Variants in SHROOM2 observed in about 807,000 individuals in gnomAD.
The protein encoded by SHROOM2 is shroom family member 2, also known as protein Shroom2.
A neutral mutation model predicts 75.9 loss-of-function variants in SHROOM2; 33 were observed. That is an observed-to-expected ratio of 0.43 (90% confidence interval 0.33 to 0.58). SHROOM2 has a LOEUF of 0.58. Among genes scored for constraint, SHROOM2 ranks in the 20% least tolerant of loss-of-function variants. SHROOM2 has a pLI of 0.04. For synonymous variants in SHROOM2, 655 were observed against 663.6 expected (o/e 0.99, Z 0.20); for missense variants, 1,434 against 1,461.2 (o/e 0.98, Z 0.30).
At chrX:9,871,822 T>G (rs1296432495) in intron 1 of SHROOM2, among the ~76,000 whole-genome samples, 1 of 111,273 alleles carries the variant, frequency 9.0e-6, no homozygotes, top group Admixed American at 9.6e-5. Context: ...CCAAAACACT[T>G]AGCTTTTCAA....
At chrX:9,818,015 C>A (rs1285108006) in intron 1 of SHROOM2, among the ~76,000 whole-genome samples, 1 of 112,199 alleles carries the variant, frequency 8.9e-6, no homozygotes, top group East Asian at 2.8e-4. Context: ...CAAAAAGAAA[C>A]ATGCTATAAA....
intron 1 of SHROOM2, chrX:9,818,233 C>T: frequency 5.1e-6 from 1 of 198,014 alleles, no homozygotes; most frequent in African/African-American, 3.0e-5. Flanking sequence ...TGTATCCATC[C>T]CATTAAATGG....
At position 9,895,555 on chromosome X, in the gene SHROOM2, C is replaced by T. The variant is rs781745808; in HGVS notation, c.1647C>T (p.Ala549=). 2.1e-5 allele frequency: 25 copies of T among 1,177,533 alleles called. No individual in the cohort carries two copies. Among genetic ancestry groups the T allele is most frequent in the Non-Finnish European group, 2.6e-5 (23 of 880,110 alleles). The change falls in exon 4 of 10, where the codon GCC becomes GCT. Residue 549 remains alanine, a synonymous_variant. Transcript: ENST00000380913. ...DKGAEGCSAG[A]QEPPRASRAE... ...GGGCCGAGGGCTGCTCCGCGGGAGC[C>T]CAGGAGCCTCCCAGGGCCAGCCGTG...
At chrX:9,945,283 A>AT (rs1412450109) in intron 9 of SHROOM2, among the ~76,000 whole-genome samples, 2 of 109,031 alleles carry the variant, frequency 1.8e-5, no homozygotes, top group South Asian at 4.0e-4. Context: ...TAATTTTTGT[A>AT]TTTTTTTGGT....
intron 1 of SHROOM2, among the ~76,000 whole-genome samples, chrX:9,835,776 C>T (rs2083941196): frequency 9.2e-6 from 1 of 108,685 alleles, no homozygotes. Context: ...CTCTGTTGCC[C>T]AGGCTGGATG....
chrX:9,936,009 T>C (rs753429016), intron 6 of SHROOM2, among the ~76,000 whole-genome samples: 162 of 111,695 alleles, frequency 1.5e-3, no homozygotes, highest in Non-Finnish European at 2.1e-3. Flanking sequence ...GACAAGGGAC[T>C]GTGGCATTGC....
At chrX:9,939,469 C>G in intron 8 of SHROOM2, 103 bp downstream of exon 8, 1 of 739,433 alleles carries the variant, frequency 1.4e-6, no homozygotes, top group East Asian at 3.6e-5. Flanking sequence ...CCACGTGTCC[C>G]AGGGCGTTTG....
chrX:9,847,545 G>C (rs753165939), intron 1 of SHROOM2, among the ~76,000 whole-genome samples: 2 of 112,362 alleles, frequency 1.8e-5, no homozygotes, highest in South Asian at 7.4e-4. Flanking sequence ...AGAGGGAAAA[G>C]GGGGTTGGAG....
At chrX:9,838,344 G>A (rs2083960344) in intron 1 of SHROOM2, among the ~76,000 whole-genome samples, 1 of 110,933 alleles carries the variant, frequency 9.0e-6, no homozygotes, top group Non-Finnish European at 1.9e-5. Context: ...ACAGGCATGA[G>A]CCACCGCACC....
At chrX:9,886,405 C>G (rs1442992097) in intron 2 of SHROOM2, among the ~76,000 whole-genome samples, 1 of 112,606 alleles carries the variant, frequency 8.9e-6, no homozygotes, top group Non-Finnish European at 1.9e-5. Context: ...TGTCCCATAG[C>G]TATGGGAGAT....
chrX:9,896,425 G>A lies in SHROOM2; in HGVS notation c.2517G>A (p.Thr839=), dbSNP rs373190071. Residue 839 remains threonine, a synonymous_variant, in exon 4 of 10, where the codon ACG becomes ACA. Coordinates refer to ENST00000380913, the MANE Select transcript of SHROOM2 (RefSeq NM_001649.4). Reference sequence around the variant, plus strand: ...CAGCGGGCCGCACATGTGAGGGCACGGAGCCCTGGTCGCGCACCACCTCCC... The same window carrying A: ...CAGCGGGCCGCACATGTGAGGGCACAGAGCCCTGGTCGCGCACCACCTCCC... The part of the protein sequence containing the change: ...PRTAGRTCEG[T]EPWSRTTSLG... The A allele has an allele frequency of 4.6e-4, 552 of 1,211,100 alleles. No individual in the cohort carries two copies. Among genetic ancestry groups the A allele is most frequent in the Non-Finnish European group, 6.0e-4 (537 of 895,467 alleles).
rs764891545 is a variant in SHROOM2, at chrX:9,873,783, C to A, written c.297C>A (p.Thr99=). Residue 99 remains threonine, a synonymous_variant, in exon 2 of 10, where the codon ACC becomes ACA. Transcript: ENST00000380913. ...AICLVKGSHK[T]LKLVVKRRSE... is the part of the protein sequence containing the mutation. ...GCCTGGTGAAGGGGTCCCATAAGAC[C>A]CTGAAGCTGGTCGTCAAAAGGTAAG... is the stretch of plus-strand genomic sequence containing the variant. 1.1e-5 allele frequency: 13 copies of A among 1,208,985 alleles called. No homozygotes were observed. The highest frequency in any genetic ancestry group is 2.2e-5 in the Admixed American group (1 of 45,611).
chrX:9,898,279 G>C lies in SHROOM2; in HGVS notation c.2880G>C (p.Gln960His). The change falls in exon 5 of 10, where the codon CAG becomes CAC. Residue 960 changes from glutamine (Q) to histidine (H), a missense_variant. Coordinates refer to ENST00000380913, the MANE Select transcript of SHROOM2 (RefSeq NM_001649.4). Reference protein sequence around the residue: ...LPSAVRAEEGQSTPRQADAQC... With the variant: ...LPSAVRAEEGHSTPRQADAQC... ...CCGCAGTCCGGGCCGAGGAGGGACA[G>C]TCCACGCCGAGGTGGGTGAAATTTG... The C allele has an allele frequency of 8.6e-7, 1 of 1,169,448 alleles. No individual in the cohort carries two copies.
At position 9,895,340 on chromosome X, in the gene SHROOM2, C is replaced by T. The variant is rs755214024; in HGVS notation, c.1432C>T (p.Arg478Trp). 1.4e-5 allele frequency: 17 copies of T among 1,176,261 alleles called. No individual in the cohort carries two copies. Among genetic ancestry groups the T allele is most frequent in the South Asian group, 3.9e-5 (2 of 51,313 alleles). ...GCTGGGGAGCGGCTGGCAGGGTCCCCGGCCCTGTGTGCAGGGAGACCTGCA... is the reference window on the plus strand; with the variant it reads ...GCTGGGGAGCGGCTGGCAGGGTCCCTGGCCCTGTGTGCAGGGAGACCTGCA... ...QKLGSGWQGP[R>W]PCVQGDLQAA... The change falls in exon 4 of 10, where the codon CGG (arginine) becomes TGG (tryptophan). Residue 478 changes from arginine (R) to tryptophan (W), a missense_variant. Arg to Trp is a moderately radical substitution (Grantham distance 101). This residue lies in a region of SHROOM2 where 1,340 missense variants were observed against 1,338.3 expected (regional missense o/e 1.00). Coordinates refer to ENST00000380913, the MANE Select transcript of SHROOM2 (RefSeq NM_001649.4).
intron 5 of SHROOM2, among the ~76,000 whole-genome samples, chrX:9,905,232 C>G (rs2084385415): frequency 8.9e-6 from 1 of 112,285 alleles, no homozygotes; most frequent in African/African-American, 3.2e-5. Flanking sequence ...TAGGTCCTTG[C>G]AGTTAGTCTC....
chrX:9,883,984 A>G (rs890656713), intron 2 of SHROOM2, among the ~76,000 whole-genome samples: 3 of 110,458 alleles, frequency 2.7e-5, no homozygotes, highest in Middle Eastern at 4.7e-3. Flanking sequence ...CCAACTGCAG[A>G]CTCTTCTTTC....
rs774015285 is a variant in SHROOM2 at position 9,894,474 on chromosome X, C to T, written c.566C>T (p.Ser189Leu). Residue 189 changes from serine to leucine, a missense_variant, in exon 4 of 10, where the codon TCG (serine) becomes TTG (leucine). Ser to Leu is a moderately radical substitution (Grantham distance 145). This residue lies in a region of SHROOM2 where 1,340 missense variants were observed against 1,338.3 expected (regional missense o/e 1.00). Coordinates refer to ENST00000380913, the MANE Select transcript of SHROOM2 (RefSeq NM_001649.4). ...CTGGACCACCCCTCCAGTCGCCTCT[C>T]GGTGGCCAAGTCCAACAGCAGCATC... ...DSLDHPSSRL[S>L]VAKSNSSIDH... 5.2e-5 allele frequency: 63 copies of T among 1,209,098 alleles called. No homozygotes were observed. The highest frequency in any genetic ancestry group is 2.6e-4 in the Admixed American group (12 of 45,737).
chrX:9,791,231 T>A (rs1046929612), intron 1 of SHROOM2, among the ~76,000 whole-genome samples: 6 of 111,863 alleles, frequency 5.4e-5, no homozygotes, highest in Non-Finnish European at 1.1e-4. Flanking sequence ...AGTTTTCACC[T>A]TGTCCTAATG....
At chrX:9,884,769 C>T (rs2084251918) in intron 2 of SHROOM2, among the ~76,000 whole-genome samples, 1 of 110,938 alleles carries the variant, frequency 9.0e-6, no homozygotes, top group Non-Finnish European at 1.9e-5. Flanking sequence ...GGTATACAAT[C>T]CATGGGGAAG....
Sources: gnomAD v4.1 joint callset for allele counts (sites outside exome capture counted in the v4.1 genomes callset) on GRCh38, gnomAD v4.1.1 for gene constraint, gnomAD v4.1.1 regional missense constraint, MANE v1.5 for transcripts, NCBI Gene and HGNC (gene_info 2026-07-23, HGNC 2026-07-21) for gene names.